Variants in CDC14B observed in about 807,000 individuals in gnomAD.
CDC14B encodes cell division cycle 14B.
A neutral mutation model predicts 64.2 loss-of-function variants in CDC14B; 22 were observed. The observed-to-expected ratio is 0.34, with a 90% CI of 0.24 to 0.49. CDC14B has a LOEUF of 0.49. Among genes scored for constraint, CDC14B ranks in the 20% least tolerant of loss-of-function variants. The pLI, the probability that CDC14B is intolerant of heterozygous loss-of-function variation, is 0.99. For missense variants in CDC14B, 498 were observed against 629.9 expected (o/e 0.79, Z 2.24); for synonymous variants, 191 against 215.8 (o/e 0.89, Z 1.01).
chr9:96,517,363 A>T (rs1454673995), intron 12 of CDC14B, among the ~76,000 whole-genome samples: 1 of 141,230 alleles, frequency 7.1e-6, no homozygotes, highest in Non-Finnish European at 1.5e-5. Flanking sequence ...AAAATAAAAA[A>T]AAATAAAGGC....
At chr9:96,508,305 C>T (rs1335603187) in intron 13 of CDC14B, among the ~76,000 whole-genome samples, 4 of 152,182 alleles carry the variant, frequency 2.6e-5, no homozygotes, top group African/African-American at 9.7e-5. Context: ...CGCGAGCCAC[C>T]GCACCCGGCC....
At chr9:96,529,168 T>C (rs1479849605) in intron 9 of CDC14B, among the ~76,000 whole-genome samples, 1 of 152,228 alleles carries the variant, frequency 6.6e-6, no homozygotes, top group African/African-American at 2.4e-5. Flanking sequence ...TCTAATGTCA[T>C]GAAGTTTTCA....
chr9:96,546,886 C>A (rs1840972609), intron 5 of CDC14B, among the ~76,000 whole-genome samples: 1 of 151,680 alleles, frequency 6.6e-6, no homozygotes, highest in Non-Finnish European at 1.5e-5. Context: ...CACAGTGAAA[C>A]CCCGTCTCTA....
chr9:96,588,825 T>C (rs1845611572), intron 1 of CDC14B, among the ~76,000 whole-genome samples: 1 of 152,242 alleles, frequency 6.6e-6, no homozygotes, highest in African/African-American at 2.4e-5. Context: ...AGGGCGGTTT[T>C]AGAAGAAGTC....
At chr9:96,592,709 G>A (rs1247656884) in intron 1 of CDC14B, among the ~76,000 whole-genome samples, 1 of 152,046 alleles carries the variant, frequency 6.6e-6, no homozygotes, top group East Asian at 1.9e-4. Flanking sequence ...GGAGGTGGAG[G>A]TTGCATTGAG....
chr9:96,493,869 A>C (rs889622538), intron 13 of CDC14B, among the ~76,000 whole-genome samples: 6 of 152,200 alleles, frequency 3.9e-5, no homozygotes, highest in Non-Finnish European at 7.3e-5. Flanking sequence ...TTTCCTCCAA[A>C]GCCTGGCCAC....
intron 3 of CDC14B, among the ~76,000 whole-genome samples, 191 bp from the exon 4 acceptor site, chr9:96,562,976 T>C (rs868772548): frequency 6.6e-6 from 1 of 152,146 alleles, no homozygotes; most frequent in Non-Finnish European, 1.5e-5. Flanking sequence ...GGGATGAGAA[T>C]GAACATACAA....
chr9:96,580,020 T>G (rs551981415), intron 1 of CDC14B, among the ~76,000 whole-genome samples: 22 of 152,160 alleles, frequency 1.4e-4, no homozygotes, highest in African/African-American at 5.3e-4. Context: ...ATCTTAAAAT[T>G]ACACACAGTC....
intron 1 of CDC14B, among the ~76,000 whole-genome samples, chr9:96,611,602 C>G (rs973946150): frequency 2.6e-5 from 4 of 152,162 alleles, no homozygotes; most frequent in Non-Finnish European, 5.9e-5. Flanking sequence ...TACTAAAATT[C>G]ATTTTTCCCA....
intron 12 of CDC14B, chr9:96,514,446 A>C: frequency 4.1e-6 from 4 of 985,440 alleles, no homozygotes; most frequent in Non-Finnish European, 4.8e-6. Context: ...GCGCGACAAT[A>C]AGCTTTTATT....
At chr9:96,498,568 A>G (rs1833345944), downstream of CDC14B, among the ~76,000 whole-genome samples, 1 of 152,228 alleles carries the variant, frequency 6.6e-6, no homozygotes, top group Non-Finnish European at 1.5e-5. Flanking sequence ...CTCTTTTTAA[A>G]TGTTTACACC....
intron 4 of CDC14B, among the ~76,000 whole-genome samples, chr9:96,561,425 G>GAT (rs1297294901): frequency 1.3e-5 from 2 of 152,208 alleles, no homozygotes; most frequent in African/African-American, 4.8e-5. Context: ...GCATGCCAGA[G>GAT]ATAAGGAGCA....
chr9:96,619,440 G>C lies in CDC14B; in HGVS notation c.-62C>G. On this transcript the variant is annotated 5_prime_UTR_variant, in exon 1 of 14. Transcript: ENST00000375241. ...GGCCCCGCGCGCCCGCGCGCCCGCC[G>C]AGGCTCCCGCCAGCCCCGCGCGGGC... is the stretch of plus-strand genomic sequence containing the variant. 9.9e-7 allele frequency: 1 copy of C among 1,008,346 alleles called. No homozygotes were observed. Among genetic ancestry groups the C allele is most frequent in the Non-Finnish European group, 1.2e-6 (1 of 838,274 alleles). 62.5% of individuals were successfully genotyped at this position (1,008,346 alleles called of 1,614,324 possible). A position where few individuals can be genotyped will look rare whatever the true frequency, so the allele number is the denominator to read the frequency against.
At chr9:96,542,054 A>C (rs1337134792) in intron 5 of CDC14B, among the ~76,000 whole-genome samples, 162 bp from the exon 6 acceptor site, 1 of 152,228 alleles carries the variant, frequency 6.6e-6, no homozygotes, top group Non-Finnish European at 1.5e-5. Flanking sequence ...TAAATCAATT[A>C]CAAATTTCAC....
intron 1 of CDC14B, among the ~76,000 whole-genome samples, chr9:96,598,770 C>T (rs1330803174): frequency 6.6e-6 from 1 of 152,208 alleles, no homozygotes; most frequent in Non-Finnish European, 1.5e-5. Flanking sequence ...CCCTGATACA[C>T]ATCTGTATAT....
At chr9:96,546,022 T>C (rs1200046062) in intron 5 of CDC14B, among the ~76,000 whole-genome samples, 1 of 152,164 alleles carries the variant, frequency 6.6e-6, no homozygotes, top group Non-Finnish European at 1.5e-5. Context: ...TTAACAAATT[T>C]GGAAAACACG....
At chr9:96,555,218 T>C (rs1842345410) in intron 4 of CDC14B, among the ~76,000 whole-genome samples, 1 of 151,758 alleles carries the variant, frequency 6.6e-6, no homozygotes, top group African/African-American at 2.4e-5. Flanking sequence ...AGTAATAGGG[T>C]GTGATTTCAG....
chr9:96,580,212 G>A (rs1845061660), intron 1 of CDC14B, among the ~76,000 whole-genome samples: 1 of 151,770 alleles, frequency 6.6e-6, no homozygotes, highest in African/African-American at 2.4e-5. Context: ...CCTAGGGAAA[G>A]GTTGTGGGGA....
intron 12 of CDC14B, among the ~76,000 whole-genome samples, chr9:96,521,317 G>A (rs1836681104): frequency 6.6e-6 from 1 of 152,152 alleles, no homozygotes; most frequent in African/African-American, 2.4e-5. Context: ...GACCTCAGGT[G>A]ATCTGCCCAC....
Sources: allele counts gnomAD v4.1 joint callset (sites outside exome capture counted in the v4.1 genomes callset), GRCh38; gene constraint gnomAD v4.1.1; transcripts MANE v1.5; gene names NCBI Gene and HGNC (gene_info 2026-07-23, HGNC 2026-07-21).